The following LINC00305 variants were observed in gnomAD, a reference collection of about 807,000 sequenced individuals.
LINC00305 encodes long independently transcribed non-coding RNA 305, also known as long intergenic non-protein coding RNA 305.
intron 1 of LINC00305, among the ~76,000 whole-genome samples, chr18:64,123,491 T>A (rs1324174102): frequency 3.9e-5 from 6 of 152,120 alleles, no homozygotes; most frequent in Non-Finnish European, 7.4e-5. Context: ...AGTCTTTTTT[T>A]AAAAAAATCA....
At chr18:64,098,664 ATTG>A (rs2051256559) in intron 1 of LINC00305, 1 of 421,566 alleles carries the variant, frequency 2.4e-6, no homozygotes, top group South Asian at 1.7e-5. Flanking sequence ...AAGAAAATAA[ATTG>A]TTGTTTTCAG....
At chr18:64,133,250 A>C (rs2051418046) in intron 1 of LINC00305, among the ~76,000 whole-genome samples, 1 of 152,178 alleles carries the variant, frequency 6.6e-6, no homozygotes, top group Admixed American at 6.5e-5. Context: ...AACAGAGAAG[A>C]GAGGACATAT....
intron 1 of LINC00305, among the ~76,000 whole-genome samples, chr18:64,103,553 T>G (rs2051276526): frequency 6.6e-6 from 1 of 152,226 alleles, no homozygotes; most frequent in Admixed American, 6.5e-5. Context: ...AGGGCTTTGT[T>G]TCTTTCATAC....
At chr18:64,120,486 G>A (rs1030269864) in intron 1 of LINC00305, among the ~76,000 whole-genome samples, 4 of 151,936 alleles carry the variant, frequency 2.6e-5, no homozygotes, top group African/African-American at 9.7e-5. Context: ...AGCGTTTAGA[G>A]AGAAATTCCT....
chr18:64,145,431 G>A (rs139438611), intron 1 of LINC00305, among the ~76,000 whole-genome samples: 10,308 of 152,186 alleles, frequency 0.068, 514 homozygotes, highest in Non-Finnish European at 0.11. Context: ...TTGGCACCAT[G>A]GGACCAGAAG....
chr18:64,147,695 C>G (rs1217076302), intron 1 of LINC00305, among the ~76,000 whole-genome samples: 3 of 152,140 alleles, frequency 2.0e-5, no homozygotes, highest in Non-Finnish European at 2.9e-5. Flanking sequence ...CGCCCTTTCT[C>G]CCACATTGCA....
chr18:64,147,343 GTGGA>G (rs2051502868), intron 1 of LINC00305: 2 of 152,254 alleles, frequency 1.3e-5, no homozygotes, highest in Admixed American at 1.3e-4. Context: ...AATGTTGAAG[GTGGA>G]TGAAGTATAT....
At chr18:64,102,255 G>T (rs763782402) in intron 1 of LINC00305, among the ~76,000 whole-genome samples, 1 of 152,086 alleles carries the variant, frequency 6.6e-6, no homozygotes, top group Non-Finnish European at 1.5e-5. Flanking sequence ...ATTCAGCATT[G>T]CTTCCCATGA....
chr18:64,141,580 G>A (rs563321764), intron 1 of LINC00305, among the ~76,000 whole-genome samples: 4 of 152,158 alleles, frequency 2.6e-5, no homozygotes, highest in African/African-American at 9.7e-5. Flanking sequence ...ACCCAAAGTT[G>A]AGATAATGAT....
intron 3 of LINC00305, among the ~76,000 whole-genome samples, chr18:64,088,900 G>T (rs1368413827): frequency 6.6e-6 from 1 of 152,128 alleles, no homozygotes; most frequent in Non-Finnish European, 1.5e-5. Context: ...ACAGGAAGGT[G>T]ACCAAAAGTC....
intron 1 of LINC00305, among the ~76,000 whole-genome samples, chr18:64,115,514 G>A (rs1008796675): frequency 6.6e-6 from 1 of 152,116 alleles, no homozygotes. Context: ...GGGAACGTGA[G>A]GGTGTCAGAT....
intron 1 of LINC00305, among the ~76,000 whole-genome samples, chr18:64,126,014 T>A (rs1316228091): frequency 3.9e-5 from 6 of 151,928 alleles, no homozygotes; most frequent in African/African-American, 1.5e-4. Flanking sequence ...AGAAAGAAAA[T>A]CCTTCCTGGA....
At chr18:64,090,430 C>T (rs2051220549) in intron 3 of LINC00305, among the ~76,000 whole-genome samples, 1 of 152,180 alleles carries the variant, frequency 6.6e-6, no homozygotes. Flanking sequence ...TATCAGTCCT[C>T]CAGAAAAGAG....
At chr18:64,102,016 G>A (rs960880335) in intron 1 of LINC00305, among the ~76,000 whole-genome samples, 8 of 152,118 alleles carry the variant, frequency 5.3e-5, no homozygotes, top group African/African-American at 1.7e-4. Context: ...CTCCACACTA[G>A]AACATGTGCC....
At chr18:64,134,802 T>A (rs891866893) in intron 1 of LINC00305, among the ~76,000 whole-genome samples, 6 of 152,220 alleles carry the variant, frequency 3.9e-5, no homozygotes, top group Admixed American at 2.0e-4. Context: ...GGTAAAATTA[T>A]GAAAATCAAC....
At chr18:64,109,901 G>A (rs550385140) in intron 1 of LINC00305, among the ~76,000 whole-genome samples, 58 of 152,342 alleles carry the variant, frequency 3.8e-4, no homozygotes, top group Non-Finnish European at 6.8e-4. Context: ...TGGGCCGCAC[G>A]TGGCCCAGGA....
chr18:64,124,088 G>T (rs1453596149), intron 1 of LINC00305, among the ~76,000 whole-genome samples: 3 of 152,062 alleles, frequency 2.0e-5, no homozygotes, highest in African/African-American at 7.2e-5. Context: ...CCAGTCTCAG[G>T]CACTCTGTTA....
chr18:64,107,786 C>T (rs1340543639), intron 1 of LINC00305, among the ~76,000 whole-genome samples: 1 of 152,156 alleles, frequency 6.6e-6, no homozygotes, highest in Non-Finnish European at 1.5e-5. Context: ...CTGAAATCCA[C>T]CTTCCAGAGG....
chr18:64,085,522 G>T (rs746211031), intron 3 of LINC00305, among the ~76,000 whole-genome samples: 1 of 151,918 alleles, frequency 6.6e-6, no homozygotes, highest in Non-Finnish European at 1.5e-5. Context: ...GAGTGCAGTG[G>T]CACAATCTCG....
Sources: gnomAD v4.1 joint callset for allele counts (sites outside exome capture counted in the v4.1 genomes callset) on GRCh38, gnomAD v4.1.1 for gene constraint, MANE v1.5 for transcripts, NCBI Gene and HGNC (gene_info 2026-07-23, HGNC 2026-07-21) for gene names.